The following ZNF676 variants were observed in gnomAD, a reference collection of about 807,000 sequenced individuals.
ZNF676 encodes the protein zinc finger protein 676.
ZNF676 carries 4 observed loss-of-function variants against 6.0 expected under a neutral mutation model. That is an observed-to-expected ratio of 0.67 (90% CI 0.33 to 1.53). The LOEUF is 1.53. Ranked by LOEUF, ZNF676 falls within the 40% of genes most tolerant of loss-of-function variation. ZNF676 has a pLI of 0.06. For missense variants in ZNF676, 644 were observed against 679.7 expected (o/e 0.95, Z 0.58); for synonymous variants, 198 against 223.1 (o/e 0.89, Z 1.00).
At chr19:22,195,123 T>C (rs568398369) in intron 1 of ZNF676, among the ~76,000 whole-genome samples, 16 of 152,200 alleles carry the variant, frequency 1.1e-4, no homozygotes, top group Non-Finnish European at 2.2e-4. Flanking sequence ...TTATTGCTTA[T>C]GCCCTGCAAA....
At chr19:22,250,769 T>C in the ZNF676 span, among the ~76,000 whole-genome samples, 1 of 151,628 alleles carries the variant, frequency 6.6e-6, no homozygotes, top group South Asian at 2.1e-4. Context: ...TGGGGTACAA[T>C]GGTGTGATTT....
At chr19:22,255,443 A>G in the ZNF676 span, among the ~76,000 whole-genome samples, 1 of 152,068 alleles carries the variant, frequency 6.6e-6, no homozygotes. Context: ...GCTGGTATAA[A>G]CCTATGATTG....
chr19:22,199,444 C>T (rs1023698913), upstream of ZNF676, among the ~76,000 whole-genome samples: 12 of 152,184 alleles, frequency 7.9e-5, no homozygotes, highest in African/African-American at 2.9e-4. Flanking sequence ...TGCACATGTA[C>T]TAATGCAATG....
chr19:22,198,746 G>A (rs1047127442), upstream of ZNF676, among the ~76,000 whole-genome samples: 5 of 152,094 alleles, frequency 3.3e-5, no homozygotes, highest in African/African-American at 1.2e-4. Flanking sequence ...TAGCTCCACA[G>A]AGATAAAAAT....
the ZNF676 span, among the ~76,000 whole-genome samples, chr19:22,253,406 A>ATATATATATGATAATGTG: frequency 5.7e-5 from 4 of 70,668 alleles, 1 homozygote; most frequent in Admixed American, 2.9e-4. Context: ...GATAATGTGT[A>ATATATATATGATAATGTG]TATATATATA....
At chr19:22,214,659 GA>G (rs1223322076) in intron 1 of ZNF676, among the ~76,000 whole-genome samples, 21 of 150,668 alleles carry the variant, frequency 1.4e-4, no homozygotes, top group African/African-American at 4.6e-4. Flanking sequence ...TACATTGGGG[GA>G]AAAAAATTCA....
chr19:22,206,421 G>A (rs537074927), intron 1 of ZNF676, among the ~76,000 whole-genome samples: 3 of 152,032 alleles, frequency 2.0e-5, no homozygotes, highest in African/African-American at 4.8e-5. Context: ...GCCTGTAATC[G>A]CAGCACTTTG....
the ZNF676 span, among the ~76,000 whole-genome samples, chr19:22,252,821 G>A: frequency 6.6e-6 from 1 of 152,216 alleles, no homozygotes; most frequent in Admixed American, 6.5e-5. Flanking sequence ...AAGCGCTGGT[G>A]CAGAAAGATG....
chr19:22,246,439 C>A, the ZNF676 span, among the ~76,000 whole-genome samples: 1 of 152,142 alleles, frequency 6.6e-6, no homozygotes, highest in East Asian at 1.9e-4. Flanking sequence ...GGAAAGAGTC[C>A]AGGAAGGGGA....
chr19:22,225,215 T>TTCA, the ZNF676 span, among the ~76,000 whole-genome samples: 2 of 152,238 alleles, frequency 1.3e-5, no homozygotes, highest in African/African-American at 2.4e-5. Context: ...TAATGTAGTA[T>TTCA]TCATCATTTT....
chr19:22,217,306 G>A (rs559453941), upstream of ZNF676, among the ~76,000 whole-genome samples: 4 of 152,266 alleles, frequency 2.6e-5, no homozygotes, highest in South Asian at 2.1e-4. Context: ...AGGTTCAAGC[G>A]ATGCTCCTGC....
intron 1 of ZNF676, among the ~76,000 whole-genome samples, chr19:22,205,059 C>G (rs1264974283): frequency 3.3e-5 from 5 of 152,012 alleles, no homozygotes; most frequent in Admixed American, 6.6e-5. Flanking sequence ...TCTTGGACAT[C>G]TGAATTTTGC....
At chr19:22,228,075 C>A in the ZNF676 span, among the ~76,000 whole-genome samples, 1 of 152,310 alleles carries the variant, frequency 6.6e-6, no homozygotes, top group East Asian at 1.9e-4. Context: ...AGGCCAATAT[C>A]CCTGATGAAC....
intron 2 of ZNF676, among the ~76,000 whole-genome samples, chr19:22,185,354 C>G (rs764528656): frequency 6.6e-6 from 1 of 151,996 alleles, no homozygotes; most frequent in Admixed American, 6.5e-5. Flanking sequence ...TCAGAGACAC[C>G]ATCCGAAGGT....
At chr19:22,201,000 G>A (rs2024020297), upstream of ZNF676, among the ~76,000 whole-genome samples, 2 of 152,160 alleles carry the variant, frequency 1.3e-5, no homozygotes, top group South Asian at 2.1e-4. Context: ...ATTGTGAGAG[G>A]GTTCCCAGTG....
At chr19:22,187,978 T>C (rs1304565567) in intron 2 of ZNF676, among the ~76,000 whole-genome samples, 8 of 151,820 alleles carry the variant, frequency 5.3e-5, no homozygotes, top group Admixed American at 5.2e-4. Context: ...TTCCCAACAA[T>C]AGAAAAAGAG....
the ZNF676 span, among the ~76,000 whole-genome samples, chr19:22,243,039 T>G: frequency 6.6e-6 from 1 of 151,776 alleles, no homozygotes; most frequent in Non-Finnish European, 1.5e-5. Flanking sequence ...AAGCCCAGTA[T>G]TAAGTTACTC....
At chr19:22,257,847 G>C in the ZNF676 span, among the ~76,000 whole-genome samples, 1 of 152,150 alleles carries the variant, frequency 6.6e-6, no homozygotes, top group African/African-American at 2.4e-5. Flanking sequence ...AATGCCCTCA[G>C]GTGCGTAGGG....
chr19:22,207,776 G>C (rs994254848), intron 1 of ZNF676, among the ~76,000 whole-genome samples: 1 of 152,156 alleles, frequency 6.6e-6, no homozygotes, highest in African/African-American at 2.4e-5. Context: ...AGAATAGGGA[G>C]CCCAGAAATA....
Sources: gnomAD v4.1 joint callset for allele counts (sites outside exome capture counted in the v4.1 genomes callset) on GRCh38, gnomAD v4.1.1 for gene constraint, MANE v1.5 for transcripts, NCBI Gene and HGNC (gene_info 2026-07-23, HGNC 2026-07-21) for gene names.